DCAF5: variants seen among roughly 807,000 people sequenced by gnomAD.
The protein encoded by DCAF5 is DDB1- and CUL4-associated factor 5.
DCAF5 carries 9 observed loss-of-function variants against 80.7 expected under a neutral mutation model. That is an observed-to-expected ratio of 0.11 (90% CI 0.07 to 0.19). DCAF5 has a LOEUF of 0.19. Ranked by LOEUF, DCAF5 falls within the 10% of genes least tolerant of loss-of-function variation. The pLI is 1.00. For synonymous variants in DCAF5, 433 were observed against 461.9 expected (o/e 0.94, Z 0.80); for missense variants, 842 against 1,205.7 (o/e 0.70, Z 4.47).
intron 1 of DCAF5, among the ~76,000 whole-genome samples, chr14:69,150,345 A>G (rs2041661879): frequency 6.6e-6 from 1 of 152,196 alleles, no homozygotes; most frequent in Admixed American, 6.5e-5. Flanking sequence ...ATAAATACCC[A>G]GAATCGAAAG....
At chr14:69,066,890 A>C (rs968143527) in intron 7 of DCAF5, among the ~76,000 whole-genome samples, 2 of 152,198 alleles carry the variant, frequency 1.3e-5, no homozygotes, top group Non-Finnish European at 1.5e-5. Flanking sequence ...TTGCTTCATG[A>C]AGTCCTCCAA....
At chr14:69,085,537 A>C (rs2039283799) in intron 6 of DCAF5, 1 of 257,612 alleles carries the variant, frequency 3.9e-6, no homozygotes, top group Admixed American at 5.2e-5. Flanking sequence ...GAACACTGTT[A>C]CTTCTATCAA....
rs369444539 is a variant in DCAF5, at chr14:69,119,139, T to G, written c.395+55A>C. 3.2e-6 allele frequency: 5 copies of G among 1,574,798 alleles called. No homozygotes were observed. In the African/African-American group the frequency reaches 5.5e-5, roughly 17 times the overall value. On this transcript the variant is annotated intron_variant, in intron 3 of 8. Transcript: ENST00000341516. ...ATTTTAGTCTAAAGAGATATTTGCC[T>G]CTTCATATATGAAAAACAAAGTCAA... is the stretch of plus-strand genomic sequence containing the variant.
At chr14:69,137,423 A>G (rs2041228700) in intron 1 of DCAF5, among the ~76,000 whole-genome samples, 2 of 152,180 alleles carry the variant, frequency 1.3e-5, no homozygotes, top group Non-Finnish European at 2.9e-5. Flanking sequence ...CATCCATTCT[A>G]TGAGCAATTT....
At position 69,051,550 on chromosome 14, in the gene DCAF5, A is replaced by T. The variant is rs1347198496; in HGVS notation, c.*2307T>A. On this transcript the variant is annotated 3_prime_UTR_variant, in exon 9 of 9. Coordinates refer to ENST00000341516, the MANE Select transcript of DCAF5 (RefSeq NM_003861.3). The stretch of plus-strand genomic sequence containing the variant: ...CAAGGATGGAAGGCATACTTGCTAA[A>T]AATGATCTTTCTTGGCTTCTCAAGT... 6.6e-6 allele frequency: 1 copy of T among 152,220 alleles called. No individual in the cohort carries two copies. Among genetic ancestry groups the T allele is most frequent in the Non-Finnish European group, 1.5e-5 (1 of 68,032 alleles). 9.4% of individuals were successfully genotyped at this position (152,220 alleles called of 1,614,324 possible). A position where few individuals can be genotyped will look rare whatever the true frequency, so the allele number is the denominator to read the frequency against.
chr14:69,112,814 G>A (rs572101021), intron 5 of DCAF5, among the ~76,000 whole-genome samples: 2 of 152,242 alleles, frequency 1.3e-5, no homozygotes, highest in Middle Eastern at 6.8e-3. Flanking sequence ...GACACTGAGA[G>A]GTGAAGTAAC....
At chr14:69,109,567 CAG>C (rs1267829966) in intron 5 of DCAF5, among the ~76,000 whole-genome samples, 1 of 152,156 alleles carries the variant, frequency 6.6e-6, no homozygotes, top group Admixed American at 6.5e-5. Flanking sequence ...AATGGAATCA[CAG>C]AGATTCTTTT....
At chr14:69,080,810 A>G (rs1353459091) in intron 6 of DCAF5, among the ~76,000 whole-genome samples, 2 of 152,238 alleles carry the variant, frequency 1.3e-5, no homozygotes, top group East Asian at 3.8e-4. Flanking sequence ...CATATTTAAT[A>G]CACTACTGTG....
Position 69,051,397 on chromosome 14 carries a change from T to C in DCAF5, c.*2460A>G, listed in dbSNP as rs1244037498. 2.0e-5 allele frequency: 3 copies of C among 152,330 alleles called. No individual in the cohort carries two copies. The highest frequency in any genetic ancestry group is 6.5e-5 in the Admixed American group (1 of 15,274). The allele number at this position is 152,330 out of a possible 1,614,324, so 9.4% of individuals were successfully genotyped here. On this transcript the variant is annotated 3_prime_UTR_variant, in exon 9 of 9. Coordinates refer to ENST00000341516, the MANE Select transcript of DCAF5 (RefSeq NM_003861.3). ...TGCCAGGTTTCCAGACCCACAACCA[T>C]AGACACAAAATCTCTGGAGATGAGG... is the stretch of plus-strand genomic sequence containing the variant.
rs144021491 is a variant in DCAF5, at chr14:69,097,556, T to G, written c.666-5669A>C. On this transcript the variant is annotated intron_variant, in intron 5 of 8. Coordinates refer to ENST00000341516, the MANE Select transcript of DCAF5 (RefSeq NM_003861.3). ...CTTGTGACCATCTAAATTGATTTCA[T>G]CACCCACTGGATTATTATTATTATT... is the stretch of plus-strand genomic sequence containing the variant. Among the ~76,000 whole-genome samples, 667 of 151,376 alleles carry G rather than the reference T, an allele frequency of 4.4e-3. 8 individuals are homozygous for G. The highest frequency in any genetic ancestry group is 0.015 in the African/African-American group (626 of 41,320).
Position 69,054,300 on chromosome 14 carries a change from G to A in DCAF5, c.2386C>T (p.Pro796Ser). ...SSRAEEPPSP[P>S]VPKASGSTLN... ...GTGGAGCCAGATGCCTTGGGGACAG[G>A]AGGAGAAGGCGGCTCCTCAGCCCGA... Residue 796 changes from proline to serine, a missense_variant, in exon 9 of 9, where the codon CCT becomes TCT. Physicochemically the swap from Pro to Ser is moderately conservative, Grantham distance 74. This residue lies in a region of DCAF5 where 607 missense variants were observed against 656.6 expected (regional missense o/e 0.92). Transcript: ENST00000341516. 1 of 1,614,236 alleles carries A rather than the reference G, an allele frequency of 6.2e-7. No individual in the cohort carries two copies. Among genetic ancestry groups the A allele is most frequent in the South Asian group, 1.1e-5 (1 of 91,090 alleles).
Position 69,152,434 on chromosome 14 carries a change from A to C in DCAF5, c.214+331T>G. 4.1e-6 allele frequency: 1 copy of C among 242,526 alleles called. No homozygotes were observed. The highest frequency in any genetic ancestry group is 5.5e-5 in the Admixed American group (1 of 18,308). 15.0% of individuals were successfully genotyped at this position (242,526 alleles called of 1,614,324 possible). A position where few individuals can be genotyped will look rare whatever the true frequency, so the allele number is the denominator to read the frequency against. ...AGCACCTTTTAAAGTACGCGGAGGA[A>C]GAGTTTGCCGTCAAACTTTGTAGAG... is the stretch of plus-strand genomic sequence containing the variant. On this transcript the variant is annotated intron_variant, in intron 1 of 8. Coordinates refer to ENST00000341516, the MANE Select transcript of DCAF5 (RefSeq NM_003861.3). The surrounding 1 kb of genome is among the most constrained non-coding windows in gnomAD (Gnocchi z 4.1).
intron 1 of DCAF5, among the ~76,000 whole-genome samples, chr14:69,140,220 T>TTGCACTCC (rs2041323084): frequency 6.6e-6 from 1 of 151,250 alleles, no homozygotes; most frequent in Non-Finnish European, 1.5e-5. Flanking sequence ...TGAGTCAAGA[T>TTGCACTCC]AGCGCCATTG....
rs114430088 is a variant in DCAF5, at chr14:69,132,163, T to C, written c.215-9803A>G. 5.9e-3 allele frequency among the ~76,000 whole-genome samples: 901 copies of C among 152,210 alleles called. 3 individuals carry two copies. The highest frequency in any genetic ancestry group is 0.019 in the African/African-American group (774 of 41,508). On this transcript the variant is annotated intron_variant, in intron 1 of 8. Transcript: ENST00000341516. ...ATTCTTTTGGGTATATAACCAGAAG[T>C]GAAATTGCTGGATCCATATGGTAAT...
At chr14:69,080,363 C>T (rs1254710956) in intron 6 of DCAF5, among the ~76,000 whole-genome samples, 1 of 151,856 alleles carries the variant, frequency 6.6e-6, no homozygotes, top group Admixed American at 6.6e-5. Flanking sequence ...CTGTGGGATA[C>T]AAGGAAATAT....
At chr14:69,102,177 C>T (rs960702569) in intron 5 of DCAF5, among the ~76,000 whole-genome samples, 4 of 144,600 alleles carry the variant, frequency 2.8e-5, no homozygotes, top group African/African-American at 1.0e-4. Context: ...GGTGTGATCT[C>T]GGTTCACTGC....
intron 1 of DCAF5, among the ~76,000 whole-genome samples, chr14:69,147,263 A>G (rs1457009092): frequency 6.6e-6 from 1 of 152,180 alleles, no homozygotes; most frequent in Admixed American, 6.5e-5. Context: ...ATCTTTCTCA[A>G]TATTTCATGG....
At position 69,111,489 on chromosome 14, in the gene DCAF5, G is replaced by A. The variant is rs750874028; in HGVS notation, c.665+4877C>T. 5.2e-4 allele frequency among the ~76,000 whole-genome samples: 79 copies of A among 152,292 alleles called. 1 individual carries two copies. The highest frequency in any genetic ancestry group is 1.0e-3 in the Non-Finnish European group (68 of 68,028). Reference sequence around the variant, plus strand: ...ATTATCCTTGTCAAAGCAAGACACTGTTATCTGTCATAGAACTAACAGTTC... The same window carrying A: ...ATTATCCTTGTCAAAGCAAGACACTATTATCTGTCATAGAACTAACAGTTC... On this transcript the variant is annotated intron_variant, in intron 5 of 8. Transcript: ENST00000341516.
intron 1 of DCAF5, among the ~76,000 whole-genome samples, chr14:69,126,230 T>C (rs929255052): frequency 4.0e-5 from 6 of 150,726 alleles, no homozygotes; most frequent in African/African-American, 7.3e-5. Context: ...CAATCTCAGC[T>C]CACTGCAACC....
Sources: allele counts gnomAD v4.1 joint callset (sites outside exome capture counted in the v4.1 genomes callset), GRCh38; gene constraint gnomAD v4.1.1; regional missense constraint gnomAD v4.1.1; non-coding constraint Gnocchi (gnomAD v3.1); transcripts MANE v1.5; gene names NCBI Gene and HGNC (gene_info 2026-07-23, HGNC 2026-07-21).